Variants in PIK3AP1 observed in about 807,000 individuals in gnomAD.
PIK3AP1 encodes phosphoinositide 3-kinase adapter protein 1.
A neutral mutation model predicts 88.1 loss-of-function variants in PIK3AP1; 21 were observed. That is an observed-to-expected ratio of 0.24 (90% CI 0.17 to 0.34). The LOEUF is 0.34. PIK3AP1 is among the 10% of genes least tolerant of loss of function. The pLI, the probability that PIK3AP1 is intolerant of heterozygous loss-of-function variation, is 1.00. For synonymous variants in PIK3AP1, 398 were observed against 400.0 expected (o/e 1.00, Z 0.06); for missense variants, 828 against 1,035.7 (o/e 0.80, Z 2.75).
At chr10:96,673,565 T>C (rs1438381569) in intron 2 of PIK3AP1, among the ~76,000 whole-genome samples, 1 of 152,196 alleles carries the variant, frequency 6.6e-6, no homozygotes, top group African/African-American at 2.4e-5. Flanking sequence ...CCTCTCCCTA[T>C]GTAAATTTCG....
intron 2 of PIK3AP1, among the ~76,000 whole-genome samples, chr10:96,696,298 G>T (rs1357979665): frequency 6.6e-6 from 1 of 152,106 alleles, no homozygotes. Context: ...ATCAATTACT[G>T]ATTTTGTTAA....
intron 2 of PIK3AP1, among the ~76,000 whole-genome samples, chr10:96,660,672 T>C (rs1034567147): frequency 1.3e-5 from 2 of 152,160 alleles, no homozygotes; most frequent in African/African-American, 2.4e-5. Context: ...CCAAAAAGAA[T>C]TGAAAACTTA....
intron 10 of PIK3AP1, among the ~76,000 whole-genome samples, chr10:96,625,152 C>T (rs74151393): frequency 0.066 from 10,000 of 152,186 alleles, 1,072 homozygotes; most frequent in African/African-American, 0.22. Flanking sequence ...ATTCTCCCAC[C>T]GGAGGATGCA....
intron 6 of PIK3AP1, among the ~76,000 whole-genome samples, chr10:96,651,024 G>A (rs557365134): frequency 2.4e-4 from 36 of 152,306 alleles, no homozygotes; most frequent in Middle Eastern, 3.4e-3. Flanking sequence ...CTGCTCCTCC[G>A]TAAGCCACCA....
chr10:96,663,982 C>T (rs1023742), intron 2 of PIK3AP1, among the ~76,000 whole-genome samples: 77,946 of 151,982 alleles, frequency 0.51, 20,482 homozygotes, highest in African/African-American at 0.63. Context: ...GGACAGATAC[C>T]CCCCAGCTGC....
At chr10:96,681,601 G>A (rs1277333560) in intron 2 of PIK3AP1, among the ~76,000 whole-genome samples, 1 of 152,160 alleles carries the variant, frequency 6.6e-6, no homozygotes, top group African/African-American at 2.4e-5. Flanking sequence ...GCCCAAAAGG[G>A]GGCTCTAGTA....
chr10:96,643,373 C>T lies in PIK3AP1; in HGVS notation c.1375+2100G>A, dbSNP rs151120133. Among the ~76,000 whole-genome samples the T allele has an allele frequency of 3.0e-3, 458 of 152,254 alleles. 5 individuals carry two copies. Among genetic ancestry groups the T allele is most frequent in the African/African-American group, 0.011 (442 of 41,530 alleles). The stretch of plus-strand genomic sequence containing the variant: ...CTGTGACACTTTGGGAATGTTCAGC[C>T]CCTCTGTGCCTCTGTTTCCCCATTT... On this transcript the variant is annotated intron_variant, in intron 8 of 16. Coordinates refer to ENST00000339364, the MANE Select transcript of PIK3AP1 (RefSeq NM_152309.3).
rs548403989 is a variant in PIK3AP1 at position 96,654,120 on chromosome 10, T to C, written c.568-1278A>G. ...CTGGGCTCTGCTCTTCATGCAGTCCTGGATTTTACCACTGGGCAAAAAGAA... is the reference window on the plus strand; with the variant it reads ...CTGGGCTCTGCTCTTCATGCAGTCCCGGATTTTACCACTGGGCAAAAAGAA... On this transcript the variant is annotated intron_variant, in intron 3 of 16. Coordinates refer to ENST00000339364, the MANE Select transcript of PIK3AP1 (RefSeq NM_152309.3). 2.0e-5 allele frequency among the ~76,000 whole-genome samples: 3 copies of C among 152,276 alleles called. No individual in the cohort carries two copies. The South Asian group carries it at 6.2e-4, about 32-fold the overall frequency.
At chr10:96,649,973 C>A (rs12261459) in intron 6 of PIK3AP1, among the ~76,000 whole-genome samples, 2,533 of 152,234 alleles carry the variant, frequency 0.017, 81 homozygotes, top group African/African-American at 0.056. Flanking sequence ...TTAAGCCCAA[C>A]AACTTTATAG....
chr10:96,701,739 C>A (rs1844300940), intron 2 of PIK3AP1, among the ~76,000 whole-genome samples: 1 of 152,096 alleles, frequency 6.6e-6, no homozygotes, highest in African/African-American at 2.4e-5. Flanking sequence ...GGCTTGCAAC[C>A]CTGTCTCTGG....
Position 96,720,358 on chromosome 10 carries a change from G to T in PIK3AP1, c.13+24C>A. The T allele has an allele frequency of 8.1e-7, 1 of 1,242,178 alleles. No individual in the cohort carries two copies. 76.9% of individuals were successfully genotyped at this position (1,242,178 alleles called of 1,614,324 possible). On this transcript the variant is annotated intron_variant, in intron 1 of 16. Coordinates refer to ENST00000339364, the MANE Select transcript of PIK3AP1 (RefSeq NM_152309.3). The surrounding 1 kb of genome is among the most constrained non-coding windows in gnomAD (Gnocchi z 4.6). ...ACGAGAGAGGGGCCGGGAGCCCGGGGACCCGCGGCGCCTGCCTACCCACCT... is the reference window on the plus strand; with the variant it reads ...ACGAGAGAGGGGCCGGGAGCCCGGGTACCCGCGGCGCCTGCCTACCCACCT...
At chr10:96,668,972 A>T (rs1403974267) in intron 2 of PIK3AP1, among the ~76,000 whole-genome samples, 1 of 152,132 alleles carries the variant, frequency 6.6e-6, no homozygotes, top group Non-Finnish European at 1.5e-5. Flanking sequence ...TCTACTAAAA[A>T]TATACAAAAA....
At chr10:96,687,272 A>G (rs1037038818) in intron 2 of PIK3AP1, among the ~76,000 whole-genome samples, 4 of 149,198 alleles carry the variant, frequency 2.7e-5, no homozygotes, top group African/African-American at 7.6e-5. Flanking sequence ...AAAAAAAAAA[A>G]AAAAAAAAAA....
intron 13 of PIK3AP1, among the ~76,000 whole-genome samples, chr10:96,611,306 T>C (rs1440318349): frequency 6.6e-6 from 1 of 152,104 alleles, no homozygotes; most frequent in African/African-American, 2.4e-5. Flanking sequence ...ATGCTGGGGC[T>C]CTCTTGGCTA....
chr10:96,704,078 A>ACTGAGAT (rs1589547713), intron 2 of PIK3AP1, among the ~76,000 whole-genome samples: 2 of 152,290 alleles, frequency 1.3e-5, no homozygotes, highest in East Asian at 3.9e-4. Flanking sequence ...TCTCAGTAGC[A>ACTGAGAT]CCCCATCCCA....
chr10:96,613,101 C>T (rs1465694495), intron 13 of PIK3AP1, among the ~76,000 whole-genome samples: 6 of 147,294 alleles, frequency 4.1e-5, no homozygotes, highest in African/African-American at 7.7e-5. Context: ...CAGGTTCAAG[C>T]GATTCTCCTG....
chr10:96,621,348 C>A (rs944018392), intron 11 of PIK3AP1: 3 of 152,760 alleles, frequency 2.0e-5, no homozygotes, highest in Non-Finnish European at 4.4e-5. Context: ...TCAAAGGCAA[C>A]AAACACCTTG....
intron 8 of PIK3AP1, among the ~76,000 whole-genome samples, chr10:96,640,147 G>C (rs543244606): frequency 1.3e-5 from 2 of 152,338 alleles, no homozygotes; most frequent in East Asian, 1.9e-4. Flanking sequence ...GGGATCAGGG[G>C]TTCAGAAGAA....
At chr10:96,675,514 C>G (rs1014266688) in intron 2 of PIK3AP1, among the ~76,000 whole-genome samples, 1 of 152,154 alleles carries the variant, frequency 6.6e-6, no homozygotes, top group African/African-American at 2.4e-5. Context: ...CACAGGAGCC[C>G]TTGGTCGGTT....
Sources: allele counts gnomAD v4.1 joint callset (sites outside exome capture counted in the v4.1 genomes callset), GRCh38; gene constraint gnomAD v4.1.1; non-coding constraint Gnocchi (gnomAD v3.1); transcripts MANE v1.5; gene names NCBI Gene and HGNC (gene_info 2026-07-23, HGNC 2026-07-21).